The following OPCML variants were observed in gnomAD, a reference collection of about 807,000 sequenced individuals.
The protein encoded by OPCML is opioid binding protein/cell adhesion molecule like, also known as opioid-binding protein/cell adhesion molecule.
Under a neutral mutation model 37.8 loss-of-function variants are expected in OPCML, and 13 were observed. The observed-to-expected ratio is 0.34, with a 90% CI of 0.22 to 0.55. The LOEUF (loss-of-function observed/expected upper bound fraction) is 0.55, where lower values mean the gene tolerates loss of function less well. Among genes scored for constraint, OPCML ranks in the 20% least tolerant of loss-of-function variants. OPCML has a pLI of 0.91. For missense variants in OPCML, 341 were observed against 435.6 expected (o/e 0.78, Z 1.93); for synonymous variants, 176 against 168.8 (o/e 1.04, Z -0.33).
chr11:132,482,726 G>A lies in OPCML; in HGVS notation c.506-45367C>T, dbSNP rs527521565. Among the ~76,000 whole-genome samples, 4 of 152,188 alleles carry A rather than the reference G, an allele frequency of 2.6e-5. No individual in the cohort carries two copies. In the South Asian group the frequency reaches 8.3e-4, roughly 32 times the overall value. On this transcript the variant is annotated intron_variant, in intron 4 of 7. Coordinates refer to ENST00000524381, the MANE Select transcript of OPCML (RefSeq NM_001012393.5). ...CATCAAAAAGCTTATCCACCATGATGAAGTGGGCTTCATCCCTGGGATGCA... is the reference window on the plus strand; with the variant it reads ...CATCAAAAAGCTTATCCACCATGATAAAGTGGGCTTCATCCCTGGGATGCA...
intron 3 of OPCML, among the ~76,000 whole-genome samples, chr11:132,535,724 T>C (rs1031872666): frequency 3.3e-5 from 5 of 152,122 alleles, no homozygotes; most frequent in Non-Finnish European, 5.9e-5. Context: ...GTCACACAGC[T>C]CCAGACTCTG....
intron 4 of OPCML, among the ~76,000 whole-genome samples, chr11:132,454,716 T>C (rs2096077158): frequency 6.6e-6 from 1 of 152,176 alleles, no homozygotes; most frequent in African/African-American, 2.4e-5. Flanking sequence ...TGCCTTCAGA[T>C]CCAATCTAGC....
At chr11:132,675,233 GTA>G (rs747260432) in intron 2 of OPCML, among the ~76,000 whole-genome samples, 55 of 149,142 alleles carry the variant, frequency 3.7e-4, no homozygotes, top group Non-Finnish European at 7.1e-4. Flanking sequence ...CGTTATATAT[GTA>G]TATATCTTTC....
rs113814911 is a variant in OPCML, at chr11:132,457,965, G to A, written c.506-20606C>T. On this transcript the variant is annotated intron_variant, in intron 4 of 7. Coordinates refer to ENST00000524381, the MANE Select transcript of OPCML (RefSeq NM_001012393.5). ...GTGGAAGAGCTTAGATTCCAGAGAG[G>A]AGAGCCAGTCAACAAACCAATAACA... 4.1e-3 allele frequency among the ~76,000 whole-genome samples: 622 copies of A among 152,340 alleles called. 5 individuals are homozygous for A. The highest frequency in any genetic ancestry group is 0.014 in the African/African-American group (600 of 41,590).
chr11:132,994,903 C>G (rs891810013), intron 1 of OPCML, among the ~76,000 whole-genome samples: 2 of 152,182 alleles, frequency 1.3e-5, no homozygotes, highest in Non-Finnish European at 2.9e-5. Flanking sequence ...GTGCACAGCA[C>G]CCCTAGGAGT....
At chr11:132,980,886 T>G (rs970224399) in intron 1 of OPCML, among the ~76,000 whole-genome samples, 1 of 152,252 alleles carries the variant, frequency 6.6e-6, no homozygotes, top group Non-Finnish European at 1.5e-5. Flanking sequence ...CCGTGTCACT[T>G]AATGACAGGG....
chr11:133,411,294 T>C (rs1945646204), intron 1 of OPCML, among the ~76,000 whole-genome samples: 1 of 152,206 alleles, frequency 6.6e-6, no homozygotes, highest in Admixed American at 6.5e-5. Flanking sequence ...ATTTAATTTT[T>C]CTTAAGTGGA....
intron 1 of OPCML, among the ~76,000 whole-genome samples, chr11:133,013,081 T>C (rs957636124): frequency 2.0e-5 from 3 of 152,182 alleles, no homozygotes; most frequent in Non-Finnish European, 4.4e-5. Context: ...AGAAGTTATG[T>C]AACTGATTCT....
intron 2 of OPCML, among the ~76,000 whole-genome samples, chr11:132,937,603 T>G (rs61909267): frequency 0.24 from 27,772 of 113,582 alleles, 3,585 homozygotes; most frequent in East Asian, 0.52. Flanking sequence ...GGGGTGTGTG[T>G]GTGTGTGTGT....
intron 2 of OPCML, among the ~76,000 whole-genome samples, chr11:132,711,471 G>T (rs370469604): frequency 4.7e-4 from 71 of 152,320 alleles, no homozygotes; most frequent in African/African-American, 1.7e-3. Context: ...CATGAGTTGC[G>T]TGATTTTGAT....
intron 1 of OPCML, among the ~76,000 whole-genome samples, chr11:133,344,380 C>A (rs576220181): frequency 6.6e-6 from 1 of 152,320 alleles, no homozygotes; most frequent in East Asian, 1.9e-4. Context: ...TTAACCTACT[C>A]TTGGCTACCT....
rs200294472 is a variant in OPCML, at chr11:133,151,452, TA to T, written c.62-208443del. 1.1e-3 allele frequency among the ~76,000 whole-genome samples: 171 copies of T among 149,748 alleles called. 1 individual carries two copies. The South Asian group carries it at 0.018, about 16-fold the overall frequency. Reference sequence around the variant, plus strand: ...GGAAGGAAGGAGGAAAAAGAGAATGTATTTTTTTTTCAAAAAAGAAGCACAC... The same window carrying T: ...GGAAGGAAGGAGGAAAAAGAGAATGTTTTTTTTTTCAAAAAAGAAGCACAC... On this transcript the variant is annotated intron_variant, in intron 1 of 7. Transcript: ENST00000524381.
At chr11:132,438,001 C>A (rs2096018825) in intron 4 of OPCML, among the ~76,000 whole-genome samples, 1 of 152,164 alleles carries the variant, frequency 6.6e-6, no homozygotes, top group Non-Finnish European at 1.5e-5. Context: ...ATGTGATAGC[C>A]CCAAATGCTG....
At chr11:132,876,576 T>G (rs529487371) in intron 2 of OPCML, among the ~76,000 whole-genome samples, 1 of 152,202 alleles carries the variant, frequency 6.6e-6, no homozygotes, top group Non-Finnish European at 1.5e-5. Context: ...ATGGCTTTTA[T>G]GGTTTATCCT....
chr11:133,526,166 G>A (rs1388586826), intron 1 of OPCML, among the ~76,000 whole-genome samples: 1 of 152,142 alleles, frequency 6.6e-6, no homozygotes, highest in South Asian at 2.1e-4. Flanking sequence ...GCGCAGAGGC[G>A]AGTGGGTGGA....
intron 1 of OPCML, among the ~76,000 whole-genome samples, chr11:133,250,830 T>C (rs1037950943): frequency 7.2e-5 from 11 of 152,136 alleles, no homozygotes; most frequent in African/African-American, 2.7e-4. Flanking sequence ...TCTTCTTTAA[T>C]TTAAACTATG....
At chr11:133,349,912 T>TA in intron 1 of OPCML, among the ~76,000 whole-genome samples, 1 of 152,336 alleles carries the variant, frequency 6.6e-6, no homozygotes, top group East Asian at 1.9e-4. Flanking sequence ...GGCCTCCTTT[T>TA]AAAAATCAAC....
At chr11:133,358,283 A>G (rs1944336378) in intron 1 of OPCML, among the ~76,000 whole-genome samples, 1 of 152,182 alleles carries the variant, frequency 6.6e-6, no homozygotes, top group Non-Finnish European at 1.5e-5. Flanking sequence ...CTAGTGAACT[A>G]TAAGTTCCAG....
At chr11:132,552,823 G>A (rs1247285455) in intron 3 of OPCML, among the ~76,000 whole-genome samples, 4 of 134,858 alleles carry the variant, frequency 3.0e-5, no homozygotes, top group African/African-American at 1.2e-4. Context: ...CTGGAGTGCA[G>A]TGGCACGATC....
Sources: allele counts gnomAD v4.1 joint callset (sites outside exome capture counted in the v4.1 genomes callset), GRCh38; gene constraint gnomAD v4.1.1; transcripts MANE v1.5; gene names NCBI Gene and HGNC (gene_info 2026-07-23, HGNC 2026-07-21).